The following LRFN5 variants were observed in gnomAD, a reference collection of about 807,000 sequenced individuals.
LRFN5 encodes the protein leucine-rich repeat and fibronectin type-III domain-containing protein 5.
Under a neutral mutation model 45.6 loss-of-function variants are expected in LRFN5, and 24 were observed. The observed-to-expected ratio is 0.53, with a 90% CI of 0.38 to 0.74. The LOEUF is 0.74. LRFN5 is among the 30% of genes least tolerant of loss of function. LRFN5 has a pLI of 0.00. For missense variants in LRFN5, 776 were observed against 861.5 expected (o/e 0.90, Z 1.24); for synonymous variants, 340 against 313.8 (o/e 1.08, Z -0.88).
chr14:41,743,618 A>G (rs1019559315), intron 1 of LRFN5, among the ~76,000 whole-genome samples: 9 of 152,324 alleles, frequency 5.9e-5, no homozygotes, highest in African/African-American at 1.7e-4. Context: ...ATTCCACTGC[A>G]TGGGTAACTA....
At chr14:41,673,985 G>A (rs542919626) in intron 1 of LRFN5, among the ~76,000 whole-genome samples, 13 of 145,268 alleles carry the variant, frequency 8.9e-5, no homozygotes, top group African/African-American at 3.3e-4. Context: ...GTGGCTGCCG[G>A]GCGGAGACGC....
chr14:41,739,282 G>A (rs557702150), intron 1 of LRFN5, among the ~76,000 whole-genome samples: 1 of 152,218 alleles, frequency 6.6e-6, no homozygotes, highest in Admixed American at 6.6e-5. Context: ...CTATTTGGGA[G>A]GGTGGCGTGG....
intron 1 of LRFN5, among the ~76,000 whole-genome samples, chr14:41,623,393 C>T (rs898550170): frequency 3.3e-5 from 5 of 152,046 alleles, no homozygotes; most frequent in Non-Finnish European, 7.4e-5. Context: ...TCAACTAAAC[C>T]TCTTTCCTTT....
At chr14:41,752,064 T>G (rs1885157434) in intron 1 of LRFN5, among the ~76,000 whole-genome samples, 1 of 152,160 alleles carries the variant, frequency 6.6e-6, no homozygotes, top group South Asian at 2.1e-4. Flanking sequence ...GGTTTCCAGC[T>G]TCATCCATGT....
At chr14:41,770,607 G>A (rs554717683) in intron 2 of LRFN5, among the ~76,000 whole-genome samples, 4 of 152,132 alleles carry the variant, frequency 2.6e-5, no homozygotes, top group African/African-American at 9.7e-5. Context: ...CACAATCCTC[G>A]ACTTCATGTT....
At chr14:41,810,493 C>A (rs1887700672) in intron 2 of LRFN5, among the ~76,000 whole-genome samples, 2 of 151,920 alleles carry the variant, frequency 1.3e-5, no homozygotes, top group Non-Finnish European at 2.9e-5. Context: ...ATATGACAGC[C>A]AAGGTATTGT....
chr14:41,850,312 A>T (rs12882576), intron 2 of LRFN5, among the ~76,000 whole-genome samples: 1 of 151,786 alleles, frequency 6.6e-6, no homozygotes, highest in Non-Finnish European at 1.5e-5. Flanking sequence ...AAAGTGATTG[A>T]GGTAGAATAA....
chr14:41,725,195 T>A (rs73305588), intron 1 of LRFN5, among the ~76,000 whole-genome samples: 6,822 of 152,270 alleles, frequency 0.045, 340 homozygotes, highest in African/African-American at 0.12. Context: ...ACATTTTAGA[T>A]GTGGCGAACT....
At position 41,607,979 on chromosome 14, in the gene LRFN5, G is replaced by T. The variant is rs776065107; in HGVS notation, c.-780G>T. ...TATTAAACTGCTTAACAAAATCCCC[G>T]ACTCTTCCTCAGCCCTTTCTCGGCT... is the stretch of plus-strand genomic sequence containing the variant. On this transcript the variant is annotated 5_prime_UTR_variant, in exon 1 of 6. Coordinates refer to ENST00000298119, the MANE Select transcript of LRFN5 (RefSeq NM_152447.5). 5.3e-5 allele frequency: 8 copies of T among 152,254 alleles called. No homozygotes were observed. The highest frequency in any genetic ancestry group is 2.6e-4 in the Admixed American group (4 of 15,288). 9.4% of individuals were successfully genotyped at this position (152,254 alleles called of 1,614,324 possible). A position where few individuals can be genotyped will look rare whatever the true frequency, so the allele number is the denominator to read the frequency against.
intron 1 of LRFN5, among the ~76,000 whole-genome samples, chr14:41,717,948 G>A (rs558519106): frequency 7.9e-5 from 12 of 152,082 alleles, no homozygotes; most frequent in Non-Finnish European, 1.5e-4. Context: ...CTTCACTATG[G>A]AATATAAGTA....
chr14:41,713,187 C>G (rs2138751123), intron 1 of LRFN5, among the ~76,000 whole-genome samples: 1 of 152,136 alleles, frequency 6.6e-6, no homozygotes, highest in East Asian at 1.9e-4. Flanking sequence ...TTGAAAATGA[C>G]TACAGTAATC....
chr14:41,804,291 T>C (rs961605864), intron 2 of LRFN5, among the ~76,000 whole-genome samples: 2 of 151,936 alleles, frequency 1.3e-5, no homozygotes, highest in African/African-American at 4.8e-5. Flanking sequence ...ATCATAGGGG[T>C]GTAGAAAATG....
At chr14:41,828,107 T>C (rs932562764) in intron 2 of LRFN5, among the ~76,000 whole-genome samples, 5 of 152,042 alleles carry the variant, frequency 3.3e-5, no homozygotes, top group African/African-American at 1.2e-4. Flanking sequence ...ATAGGTCAGC[T>C]TTTTTCAGCT....
intron 1 of LRFN5, among the ~76,000 whole-genome samples, chr14:41,649,411 A>G (rs1879979621): frequency 1.3e-5 from 2 of 152,176 alleles, no homozygotes; most frequent in South Asian, 2.1e-4. Context: ...ATCAAAATAA[A>G]TACTCAAATA....
At chr14:41,726,323 T>C (rs913412658) in intron 1 of LRFN5, among the ~76,000 whole-genome samples, 3 of 152,158 alleles carry the variant, frequency 2.0e-5, no homozygotes, top group Admixed American at 1.3e-4. Context: ...TCCTTTCCAA[T>C]TTGTGTCAAT....
chr14:41,688,520 C>T (rs1219242765), intron 1 of LRFN5, among the ~76,000 whole-genome samples: 3 of 151,396 alleles, frequency 2.0e-5, no homozygotes, highest in African/African-American at 7.3e-5. Flanking sequence ...AATATCTTTC[C>T]TAATAACAAT....
intron 1 of LRFN5, among the ~76,000 whole-genome samples, chr14:41,709,916 A>G (rs1336509391): frequency 6.6e-6 from 1 of 152,102 alleles, no homozygotes; most frequent in Admixed American, 6.5e-5. Context: ...AGATGTAAAT[A>G]TACCTAAATA....
chr14:41,810,912 A>T (rs1461583669), intron 2 of LRFN5, among the ~76,000 whole-genome samples: 4 of 131,572 alleles, frequency 3.0e-5, no homozygotes, highest in Admixed American at 1.6e-4. Flanking sequence ...CATGTTGATG[A>T]CAAGACTTGA....
chr14:41,674,228 G>A lies in LRFN5; in HGVS notation c.-197+65666G>A, dbSNP rs1441405898. ...TGACCCCCCCACCTCCCTCCCGGAC[G>A]GGGCGGCTGGCCGGGCAGAGGGGCT... On this transcript the variant is annotated intron_variant, in intron 1 of 5. Coordinates refer to ENST00000298119, the MANE Select transcript of LRFN5 (RefSeq NM_152447.5). Among the ~76,000 whole-genome samples the A allele has an allele frequency of 2.9e-5, 4 of 136,398 alleles. No individual in the cohort carries two copies. In the South Asian group the frequency reaches 7.5e-4, roughly 26 times the overall value. 89.5% of individuals were successfully genotyped at this position (136,398 alleles called of 152,430 possible).
Sources: allele counts gnomAD v4.1 joint callset (sites outside exome capture counted in the v4.1 genomes callset), GRCh38; gene constraint gnomAD v4.1.1; transcripts MANE v1.5; gene names NCBI Gene and HGNC (gene_info 2026-07-23, HGNC 2026-07-21).